Variants in ZC3H14 observed in about 807,000 individuals in gnomAD.
The protein encoded by ZC3H14 is zinc finger CCCH domain-containing protein 14.
A neutral mutation model predicts 92.4 loss-of-function variants in ZC3H14; 31 were observed. The observed-to-expected ratio is 0.34, with a 90% CI of 0.25 to 0.45. The LOEUF (loss-of-function observed/expected upper bound fraction) is 0.45. ZC3H14 is among the 20% of genes least tolerant of loss of function. The pLI is 1.00. For missense variants in ZC3H14, 781 were observed against 897.3 expected (o/e 0.87, Z 1.66); for synonymous variants, 321 against 300.9 (o/e 1.07, Z -0.69).
Position 88,609,699 on chromosome 14 carries a change from T to G in ZC3H14, c.2006-13T>G. Reference sequence around the variant, plus strand: ...AACAGATTGGAGATCAGTCCTGGTTTTTATTTTGTTAGCAGTTGCACCACC... The same window carrying G: ...AACAGATTGGAGATCAGTCCTGGTTGTTATTTTGTTAGCAGTTGCACCACC... On this transcript the variant is annotated splice_polypyrimidine_tract_variant and intron_variant, in intron 14 of 16. Transcript: ENST00000251038. 6.2e-7 allele frequency: 1 copy of G among 1,614,096 alleles called. No individual in the cohort carries two copies. Among genetic ancestry groups the G allele is most frequent in the South Asian group, 1.1e-5 (1 of 91,076 alleles).
intron 9 of ZC3H14, among the ~76,000 whole-genome samples, chr14:88,586,029 A>G (rs2082434913): frequency 6.6e-6 from 1 of 152,306 alleles, no homozygotes; most frequent in East Asian, 1.9e-4. Flanking sequence ...TTAGCCAGGC[A>G]TGGTGGCACA....
intron 8 of ZC3H14, among the ~76,000 whole-genome samples, chr14:88,577,467 A>G (rs953629401): frequency 7.2e-5 from 11 of 151,970 alleles, no homozygotes; most frequent in Non-Finnish European, 4.4e-5. Context: ...TATTGTTTAC[A>G]TATGTTTGGA....
Position 88,572,803 on chromosome 14 carries a change from A to G in ZC3H14, c.657A>G (p.Ala219=), listed in dbSNP as rs1218192285. 1 of 1,614,096 alleles carries G rather than the reference A, an allele frequency of 6.2e-7. No individual in the cohort carries two copies. Among genetic ancestry groups the G allele is most frequent in the African/African-American group, 1.3e-5 (1 of 74,926 alleles). ...RPSIEIYRPP[A]SRNADSGVHL... ...CTATTGAAATTTATCGACCACCTGC[A>G]AGTAGAAATGCAGATAGTGGTGTTC... Residue 219 remains alanine, a synonymous_variant, in exon 6 of 17, where the codon GCA becomes GCG. Transcript: ENST00000251038.
At position 88,621,967 on chromosome 14, in the gene ZC3H14, A is replaced by C. The variant is rs1273343801; in HGVS notation, c.*10216A>C. The C allele has an allele frequency of 2.3e-6, 1 of 442,834 alleles. No homozygotes were observed. Among genetic ancestry groups the C allele is most frequent in the African/African-American group, 2.0e-5 (1 of 49,818 alleles). 27.4% of individuals were successfully genotyped at this position (442,834 alleles called of 1,614,324 possible). A position where few individuals can be genotyped will look rare whatever the true frequency, so the allele number is the denominator to read the frequency against. On this transcript the variant is annotated 3_prime_UTR_variant, in exon 17 of 17. Transcript: ENST00000251038. ...ATCCTACAGTACTACAGAATACTAA[A>C]ACATACTATTCCTATCTGGCTGTGT...
intron 3 of ZC3H14, 26 bp downstream of exon 3, chr14:88,568,179 A>T (rs1300315088): frequency 6.3e-7 from 1 of 1,598,678 alleles, no homozygotes; most frequent in South Asian, 1.1e-5. Context: ...TTTGTGCCTC[A>T]GACCAAAGTT....
rs564272080 is a variant in ZC3H14 at position 88,609,377 on chromosome 14, G to T, written c.1979G>T (p.Arg660Ile). 4 of 1,614,046 alleles carry T rather than the reference G, an allele frequency of 2.5e-6. No individual in the cohort carries two copies. The South Asian group carries it at 4.4e-5, about 18-fold the overall frequency. ...PDCPFTHVSRRIPVLSPKPAV... is the reference protein window; with the variant it reads ...PDCPFTHVSRIIPVLSPKPAV... ...TGTCCCTTCACTCATGTGAGTAGAA[G>T]AATTCCAGTACTGTCTCCAAAACCA... The change falls in exon 14 of 17, where the codon AGA becomes ATA. Residue 660 changes from arginine to isoleucine, a missense_variant. Transcript: ENST00000251038.
chr14:88,602,704 G>T, intron 11 of ZC3H14, 124 bp from the exon 12 acceptor site: 1 of 1,014,766 alleles, frequency 9.9e-7, no homozygotes, highest in Non-Finnish European at 1.5e-6. Context: ...GCCCTACCTA[G>T]TCTTTTTTTA....
chr14:88,570,843 C>T (rs555264872), intron 3 of ZC3H14, among the ~76,000 whole-genome samples: 19 of 152,248 alleles, frequency 1.2e-4, no homozygotes, highest in Non-Finnish European at 7.4e-5. Context: ...CAGCTAGGTG[C>T]GGTGGCTCAC....
In ZC3H14 at chr14:88,574,736, T is replaced by C. The variant is rs1200366953; in HGVS notation, c.905T>C (p.Val302Ala). The change falls in exon 7 of 17, where the codon GTT (valine) becomes GCT (alanine). Residue 302 changes from valine to alanine, a missense_variant. Around this residue, in one of 3 missense-constraint regions of ZC3H14, gnomAD observed 454 missense variants for 438.5 expected, o/e 1.04. Transcript: ENST00000251038. ...RKRKLPVVSS[V>A]VKVKKFNHDG... is the part of the protein sequence containing the mutation. ...AGAAAGTTGCCTGTGGTAAGTTCAG[T>C]TGTTAAAGTAAAAAAATTCAATCAT... 1.2e-6 allele frequency: 2 copies of C among 1,613,974 alleles called. No individual in the cohort carries two copies. The highest frequency in any genetic ancestry group is 1.3e-5 in the African/African-American group (1 of 74,898).
chr14:88,576,710 A>T (rs1369942115), intron 8 of ZC3H14, among the ~76,000 whole-genome samples: 1 of 152,136 alleles, frequency 6.6e-6, no homozygotes, highest in Non-Finnish European at 1.5e-5. Context: ...TACTTACAGC[A>T]TTGCCCTGCT....
intron 9 of ZC3H14, among the ~76,000 whole-genome samples, chr14:88,593,976 A>G (rs529507391): frequency 3.3e-5 from 5 of 152,244 alleles, no homozygotes; most frequent in African/African-American, 9.6e-5. Flanking sequence ...GCCAAGGCTG[A>G]GTTCTTATTT....
Position 88,572,109 on chromosome 14 carries a change from A to G in ZC3H14, c.315A>G (p.Gly105=). The change falls in exon 5 of 17, where the codon GGA becomes GGG. Residue 105 remains glycine (G), a synonymous_variant. Transcript: ENST00000251038. ...VPSNKSNFSR[G]DERRHEAAVP... The stretch of plus-strand genomic sequence containing the variant: ...CAAACAAGAGCAATTTCAGTCGGGG[A>G]GATGAGAGGAGGCATGAAGCTGCAG... 1 of 1,614,098 alleles carries G rather than the reference A, an allele frequency of 6.2e-7. No individual in the cohort carries two copies. The highest frequency in any genetic ancestry group is 8.5e-7 in the Non-Finnish European group (1 of 1,180,030).
At chr14:88,588,486 C>T (rs1230943689) in intron 9 of ZC3H14, among the ~76,000 whole-genome samples, 1 of 152,120 alleles carries the variant, frequency 6.6e-6, no homozygotes, top group Non-Finnish European at 1.5e-5. Flanking sequence ...TATCTTGAGG[C>T]TTCAGTGTTG....
At chr14:88,606,619 G>A (rs775635804) in intron 12 of ZC3H14, among the ~76,000 whole-genome samples, 2 of 151,880 alleles carry the variant, frequency 1.3e-5, no homozygotes, top group African/African-American at 4.8e-5. Flanking sequence ...GTGGTGGCAC[G>A]TGCTACTTGG....
Position 88,577,127 on chromosome 14 carries a change from C to T in ZC3H14, c.1124-858C>T, listed in dbSNP as rs139844620. 7.2e-5 allele frequency among the ~76,000 whole-genome samples: 11 copies of T among 152,212 alleles called. No homozygotes were observed. In the East Asian group the frequency reaches 2.1e-3, roughly 29 times the overall value. On this transcript the variant is annotated intron_variant, in intron 8 of 16. Coordinates refer to ENST00000251038, the MANE Select transcript of ZC3H14 (RefSeq NM_024824.5). ...TTTTTGATCCTGATACTTGTCTGTC[C>T]TCTTGGTTCTCCTCATCCCTAATTT...
At position 88,596,785 on chromosome 14, in the gene ZC3H14, CAGAAACTCTGCAGATGAGTCA is replaced by C; in HGVS notation, c.1334_1354del (p.Glu445_Gln451del). On this transcript the variant is annotated inframe_deletion and splice_region_variant, in exon 10 of 17. Transcript: ENST00000251038. ...CGACTGCAAATCGACCCAGTAATGG[CAGAAACTCTGCAGATGAGTCA>C]AGGTTGGTAATGTTTCAAGTTGTAC... The C allele has an allele frequency of 1.2e-6, 2 of 1,613,998 alleles. No individual in the cohort carries two copies. The highest frequency in any genetic ancestry group is 2.2e-5 in the South Asian group (2 of 91,078).
intron 2 of ZC3H14, chr14:88,567,751 C>A (rs374644412): frequency 7.4e-6 from 3 of 405,566 alleles, no homozygotes; most frequent in South Asian, 6.2e-5. Context: ...AATTAATAAG[C>A]ATTATTAAAA....
intron 13 of ZC3H14, 134 bp downstream of exon 13, chr14:88,607,497 C>G: frequency 1.1e-6 from 1 of 935,390 alleles, no homozygotes; most frequent in South Asian, 1.3e-5. Context: ...CACATCTCAA[C>G]CCTCAAGTGA....
intron 3 of ZC3H14, 88 bp from the exon 4 acceptor site, chr14:88,570,994 CTG>C: frequency 9.6e-7 from 1 of 1,037,502 alleles, no homozygotes; most frequent in Non-Finnish European, 1.3e-6. Flanking sequence ...AAAATTATCT[CTG>C]AATATAATGT....
Sources: allele counts gnomAD v4.1 joint callset (sites outside exome capture counted in the v4.1 genomes callset), GRCh38; gene constraint gnomAD v4.1.1; regional missense constraint gnomAD v4.1.1; transcripts MANE v1.5; gene names NCBI Gene and HGNC (gene_info 2026-07-23, HGNC 2026-07-21).